GALNT10: variants seen among roughly 807,000 people sequenced by gnomAD.
The protein encoded by GALNT10 is GalNAc transferase 10.
GALNT10 carries 41 observed loss-of-function variants against 75.0 expected under a neutral mutation model. That is an observed-to-expected ratio of 0.55 (90% confidence interval 0.43 to 0.71). The LOEUF (loss-of-function observed/expected upper bound fraction) is 0.71. GALNT10 is among the 30% of genes least tolerant of loss of function. The probability of loss-of-function intolerance (pLI) is 0.00; values close to 1 mark genes in which losing one functional copy is unlikely to be tolerated. For missense variants in GALNT10, 727 were observed against 818.5 expected (o/e 0.89, Z 1.36); for synonymous variants, 302 against 313.0 (o/e 0.96, Z 0.37).
At chr5:154,236,245 G>A (rs1753244425) in intron 1 of GALNT10, among the ~76,000 whole-genome samples, 1 of 152,126 alleles carries the variant, frequency 6.6e-6, no homozygotes, top group African/African-American at 2.4e-5. Context: ...GCAAAATAAG[G>A]ACAACAGTGG....
At chr5:154,216,557 C>T (rs1752875907) in intron 1 of GALNT10, among the ~76,000 whole-genome samples, 1 of 152,184 alleles carries the variant, frequency 6.6e-6, no homozygotes, top group Admixed American at 6.5e-5. Context: ...AGAACAACCT[C>T]ATTGTCCTCG....
chr5:154,373,530 G>A (rs1755609980), intron 4 of GALNT10, among the ~76,000 whole-genome samples: 1 of 152,212 alleles, frequency 6.6e-6, no homozygotes, highest in Admixed American at 6.5e-5. Context: ...ATAGTAGCCA[G>A]TTTGTGGTGG....
chr5:154,283,756 G>A (rs552858565), intron 1 of GALNT10, among the ~76,000 whole-genome samples: 4 of 152,290 alleles, frequency 2.6e-5, no homozygotes, highest in Admixed American at 6.5e-5. Context: ...CCTCTTGGGG[G>A]ACCTTTGCAA....
intron 1 of GALNT10, among the ~76,000 whole-genome samples, chr5:154,233,583 G>A (rs1172292437): frequency 2.0e-5 from 3 of 152,280 alleles, no homozygotes; most frequent in South Asian, 4.1e-4. Flanking sequence ...CAACAGGTTA[G>A]TGGTGGCACT....
chr5:154,369,385 C>G (rs997855181), intron 4 of GALNT10, among the ~76,000 whole-genome samples: 6 of 151,914 alleles, frequency 3.9e-5, no homozygotes, highest in African/African-American at 1.5e-4. Flanking sequence ...GAGACCTCGT[C>G]TCAAAAACAA....
At position 154,402,072 on chromosome 5, in the gene GALNT10, G is replaced by T. The variant is rs573761431; in HGVS notation, c.1057-2032G>T. Among the ~76,000 whole-genome samples the T allele has an allele frequency of 1.3e-5, 2 of 152,282 alleles. No individual in the cohort carries two copies. Reference sequence around the variant, plus strand: ...CCCGGGCCTACTCTCCCTGAGGCCTGCCCCATCAGGCTGTTCTCCACCCCA... The same window carrying T: ...CCCGGGCCTACTCTCCCTGAGGCCTTCCCCATCAGGCTGTTCTCCACCCCA... On this transcript the variant is annotated intron_variant, in intron 7 of 11. Transcript: ENST00000297107. This position sits in a 1 kb window ranked among gnomAD's most constrained non-coding sequence, Gnocchi z 4.2.
chr5:154,250,081 C>T (rs1022896705), intron 1 of GALNT10, among the ~76,000 whole-genome samples: 11 of 152,150 alleles, frequency 7.2e-5, no homozygotes, highest in Admixed American at 6.6e-4. Flanking sequence ...ATTTTTCTCC[C>T]CGTTCCCGGG....
rs376469597 is a variant in GALNT10, at chr5:154,386,386, G to A, written c.1012G>A (p.Gly338Ser). Residue 338 changes from glycine (G) to serine (S), a missense_variant, in exon 7 of 12, where the codon GGC becomes AGC. Coordinates refer to ENST00000297107, the MANE Select transcript of GALNT10 (RefSeq NM_198321.4). ...CTGGGAACTCGGCGGGTATGACCCA[G>A]GCTTGGAGATCTGGGGAGGGGAGCA... ...WFWELGGYDP[G>S]LEIWGGEQYE... is the part of the protein sequence containing the mutation. 2.5e-6 allele frequency: 4 copies of A among 1,613,952 alleles called. No homozygotes were observed. In the African/African-American group the frequency reaches 5.3e-5, roughly 22 times the overall value.
At chr5:154,323,201 CG>C (rs1754703174) in intron 3 of GALNT10, among the ~76,000 whole-genome samples, 2 of 152,168 alleles carry the variant, frequency 1.3e-5, no homozygotes, top group Admixed American at 1.3e-4. Context: ...TATGTTGTTT[CG>C]TTTTGTTAAA....
intron 3 of GALNT10, among the ~76,000 whole-genome samples, chr5:154,319,254 A>C (rs1447356340): frequency 1.3e-5 from 2 of 152,190 alleles, no homozygotes; most frequent in Non-Finnish European, 2.9e-5. Flanking sequence ...GCCATGTTGT[A>C]AAAACAAATG....
chr5:154,337,416 G>A lies in GALNT10; in HGVS notation c.568+7678G>A, dbSNP rs116446830. ...ATCTGATATAACCTGTAGCTTCCCC[G>A]TCACTTCTCTGGCTATCCTCTCCTG... On this transcript the variant is annotated intron_variant, in intron 4 of 11. Coordinates refer to ENST00000297107, the MANE Select transcript of GALNT10 (RefSeq NM_198321.4). 1.4e-3 allele frequency: 874 copies of A among 620,074 alleles called. 2 individuals are homozygous for A. The African/African-American group carries it at 0.014, about 10-fold the overall frequency. 38.4% of individuals were successfully genotyped at this position (620,074 alleles called of 1,614,324 possible).
chr5:154,320,765 G>C (rs961561345), intron 3 of GALNT10, among the ~76,000 whole-genome samples: 2 of 152,212 alleles, frequency 1.3e-5, no homozygotes, highest in Non-Finnish European at 2.9e-5. Context: ...AAAGAGGCCA[G>C]CAAGATGGTA....
At chr5:154,250,232 A>G (rs1003170431) in intron 1 of GALNT10, among the ~76,000 whole-genome samples, 1 of 152,156 alleles carries the variant, frequency 6.6e-6, no homozygotes, top group Non-Finnish European at 1.5e-5. Flanking sequence ...CCTTTGGACC[A>G]CTGATGGCAT....
chr5:154,393,064 A>AAAAAAAAAC lies in GALNT10; in HGVS notation c.1056+6642_1056+6643insCAAAAAAAA, dbSNP rs1561680907. 9 of 114,690 alleles carry AAAAAAAAAC rather than the reference A, an allele frequency of 7.8e-5. 1 individual carries two copies. The South Asian group carries it at 1.6e-3, about 20-fold the overall frequency. 7.1% of individuals were successfully genotyped at this position (114,690 alleles called of 1,614,324 possible). A position where few individuals can be genotyped will look rare whatever the true frequency, so the allele number is the denominator to read the frequency against. ...ATAAATTGGAGGTCTCCACAAAAAA[A>AAAAAAAAAC]AAAAAAAAAAAAAACCCATTTTTTT... On this transcript the variant is annotated intron_variant, in intron 7 of 11. Transcript: ENST00000297107.
intron 4 of GALNT10, among the ~76,000 whole-genome samples, chr5:154,367,825 T>C (rs1480166896): frequency 6.9e-6 from 1 of 145,234 alleles, no homozygotes; most frequent in African/African-American, 2.6e-5. Flanking sequence ...GCCCCTGCAC[T>C]CCAGCCTGGG....
At chr5:154,291,127 A>G (rs917536810) in intron 1 of GALNT10, among the ~76,000 whole-genome samples, 1 of 152,184 alleles carries the variant, frequency 6.6e-6, no homozygotes, top group African/African-American at 2.4e-5. Context: ...TGGAGCCTTA[A>G]TTCTCAATGC....
intron 7 of GALNT10, among the ~76,000 whole-genome samples, chr5:154,399,867 G>A (rs1424890853): frequency 6.6e-6 from 1 of 152,208 alleles, no homozygotes; most frequent in Non-Finnish European, 1.5e-5. Context: ...GAAAGGCTGG[G>A]TGCAATGGCT....
intron 1 of GALNT10, among the ~76,000 whole-genome samples, chr5:154,290,091 ATT>A (rs370050729): frequency 0.17 from 23,304 of 135,510 alleles, 1,844 homozygotes; most frequent in African/African-American, 0.19. Context: ...GTACTCTGTA[ATT>A]TTTTTTTTTT....
intron 4 of GALNT10, among the ~76,000 whole-genome samples, chr5:154,368,426 G>T (rs1217998476): frequency 1.3e-5 from 2 of 152,074 alleles, no homozygotes; most frequent in Admixed American, 6.6e-5. Context: ...CATAATATGT[G>T]AATTATATCT....
Sources: gnomAD v4.1 joint callset for allele counts (sites outside exome capture counted in the v4.1 genomes callset) on GRCh38, gnomAD v4.1.1 for gene constraint, Gnocchi (gnomAD v3.1) non-coding constraint, MANE v1.5 for transcripts, NCBI Gene and HGNC (gene_info 2026-07-23, HGNC 2026-07-21) for gene names.